The following TACR1 variants were observed in gnomAD, a reference collection of about 807,000 sequenced individuals.
TACR1 encodes the protein tachykinin receptor 1, also known as substance-P receptor.
A neutral mutation model predicts 35.8 loss-of-function variants in TACR1; 25 were observed. The ratio of observed to expected loss-of-function variants is 0.70; its 90% confidence interval spans 0.51 to 0.98. The LOEUF (loss-of-function observed/expected upper bound fraction) is 0.98, where lower values mean the gene tolerates loss of function less well. Among genes scored for constraint, TACR1 ranks in the 50% least tolerant of loss-of-function variants. The pLI is 0.00. For missense variants in TACR1, 478 were observed against 522.9 expected, an observed-to-expected ratio of 0.91 and a Z score of 0.84; for synonymous variants, 195 against 206.7, an observed-to-expected ratio of 0.94 and a Z score of 0.48.
chr2:75,160,247 G>GAAA (rs59644017), intron 1 of TACR1, among the ~76,000 whole-genome samples: 46 of 149,966 alleles, frequency 3.1e-4, no homozygotes, highest in Admixed American at 7.3e-4. Flanking sequence ...TGAGTAAATA[G>GAAA]AAAAAAAAAT....
chr2:75,135,156 C>T (rs1473296272), intron 1 of TACR1, among the ~76,000 whole-genome samples: 2 of 152,194 alleles, frequency 1.3e-5, no homozygotes, highest in African/African-American at 4.8e-5. Flanking sequence ...TTATGACTTT[C>T]CTCTTCCCAT....
At chr2:75,086,466 C>G (rs146144488) in intron 2 of TACR1, among the ~76,000 whole-genome samples, 11 of 152,314 alleles carry the variant, frequency 7.2e-5, no homozygotes, top group Non-Finnish European at 1.6e-4. Context: ...ACTTGGCACA[C>G]AGTGGACACT....
At chr2:75,055,759 C>T (rs191477678) in intron 2 of TACR1, among the ~76,000 whole-genome samples, 4 of 152,274 alleles carry the variant, frequency 2.6e-5, no homozygotes, top group African/African-American at 4.8e-5. Context: ...CCCTCAAACT[C>T]GAGTGGGCTT....
At chr2:75,162,043 CAAAAA>C (rs35438025) in intron 1 of TACR1, among the ~76,000 whole-genome samples, 36 of 94,186 alleles carry the variant, frequency 3.8e-4, no homozygotes, top group African/African-American at 1.3e-3. Context: ...TTGACTCTTC[CAAAAA>C]AAAAAAAAAA....
At chr2:75,181,234 CTTAATT>C (rs1368312217) in intron 1 of TACR1, among the ~76,000 whole-genome samples, 1 of 152,126 alleles carries the variant, frequency 6.6e-6, no homozygotes, top group African/African-American at 2.4e-5. Flanking sequence ...TCCCACTCCT[CTTAATT>C]TTATTAGCCT....
At chr2:75,059,395 C>T (rs1316857790) in intron 2 of TACR1, among the ~76,000 whole-genome samples, 1 of 152,172 alleles carries the variant, frequency 6.6e-6, no homozygotes, top group Non-Finnish European at 1.5e-5. Flanking sequence ...GTTGGAAGCA[C>T]ATAGCTCTTG....
intron 1 of TACR1, among the ~76,000 whole-genome samples, chr2:75,130,612 A>G (rs1049534942): frequency 6.6e-6 from 1 of 152,254 alleles, no homozygotes; most frequent in Non-Finnish European, 1.5e-5. Flanking sequence ...TCAAATGAAA[A>G]GTTTAGTACT....
At chr2:75,058,538 G>T (rs1430857470) in intron 2 of TACR1, among the ~76,000 whole-genome samples, 1 of 152,226 alleles carries the variant, frequency 6.6e-6, no homozygotes, top group Non-Finnish European at 1.5e-5. Context: ...GACAGCAACA[G>T]AAGAGACTGG....
chr2:75,195,869 G>A (rs1218681527), intron 1 of TACR1, among the ~76,000 whole-genome samples: 1 of 152,148 alleles, frequency 6.6e-6, no homozygotes, highest in Non-Finnish European at 1.5e-5. Flanking sequence ...ACAGGAAGGT[G>A]TTATTAAAGT....
chr2:75,129,613 A>G (rs1337143942), intron 1 of TACR1, among the ~76,000 whole-genome samples: 1 of 152,232 alleles, frequency 6.6e-6, no homozygotes, highest in Non-Finnish European at 1.5e-5. Flanking sequence ...ACTATGTACA[A>G]TTATTACGTG....
intron 1 of TACR1, among the ~76,000 whole-genome samples, chr2:75,121,679 ATC>A (rs1483448951): frequency 2.0e-5 from 3 of 152,216 alleles, no homozygotes; most frequent in Non-Finnish European, 2.9e-5. Context: ...TTTAAAAGAC[ATC>A]TCTCTCTGCA....
At chr2:75,143,119 C>T (rs1257705380) in intron 1 of TACR1, among the ~76,000 whole-genome samples, 1 of 152,124 alleles carries the variant, frequency 6.6e-6, no homozygotes, top group Non-Finnish European at 1.5e-5. Flanking sequence ...AGCAGAGGCC[C>T]TGTGGTGTGA....
At chr2:75,051,153 C>G in intron 4 of TACR1, 98 bp downstream of exon 4, 1 of 1,501,996 alleles carries the variant, frequency 6.7e-7, no homozygotes, top group Non-Finnish European at 9.2e-7. Context: ...TCCCTCTTGT[C>G]TCACAGCTGG....
chr2:75,122,109 G>T (rs6742235), intron 1 of TACR1, among the ~76,000 whole-genome samples: 1 of 152,200 alleles, frequency 6.6e-6, no homozygotes, highest in South Asian at 2.1e-4. Flanking sequence ...GGGAGAAAAG[G>T]TGCATCAATA....
rs1672398566 is a variant in TACR1 at position 75,048,295 on chromosome 2, AG to A, written c.*1136del. ...GGGCCCCCACCCTAAAATACCCAAA[AG>A]GTTAAAGCAGGGAGCCCACATTTGT... On this transcript the variant is annotated 3_prime_UTR_variant, in exon 5 of 5. Coordinates refer to ENST00000305249, the MANE Select transcript of TACR1 (RefSeq NM_001058.4). 6.6e-6 allele frequency: 1 copy of A among 152,238 alleles called. No individual in the cohort carries two copies. The highest frequency in any genetic ancestry group is 2.4e-5 in the African/African-American group (1 of 41,464). The allele number at this position is 152,238 out of a possible 1,614,324, so 9.4% of individuals were successfully genotyped here. A position where few individuals can be genotyped will look rare whatever the true frequency, so the allele number is the denominator to read the frequency against.
At chr2:75,163,620 A>G (rs1675067137) in intron 1 of TACR1, among the ~76,000 whole-genome samples, 2 of 152,202 alleles carry the variant, frequency 1.3e-5, no homozygotes, top group Admixed American at 1.3e-4. Context: ...TTCTTCCCTA[A>G]TGACTTATTC....
At chr2:75,090,161 T>C (rs759013774) in intron 2 of TACR1, among the ~76,000 whole-genome samples, 2 of 152,242 alleles carry the variant, frequency 1.3e-5, no homozygotes, top group Non-Finnish European at 2.9e-5. Flanking sequence ...CTCCCCTGAA[T>C]GTCCATCCTC....
chr2:75,057,052 T>A (rs955034935), intron 2 of TACR1, among the ~76,000 whole-genome samples: 2 of 152,202 alleles, frequency 1.3e-5, no homozygotes, highest in African/African-American at 2.4e-5. Context: ...AAATGTGGCT[T>A]ATACTTGCAA....
chr2:75,115,645 G>A (rs1456191798), intron 2 of TACR1, among the ~76,000 whole-genome samples: 1 of 152,072 alleles, frequency 6.6e-6, no homozygotes, highest in South Asian at 2.1e-4. Flanking sequence ...GGTGGCTCAC[G>A]CCTGTAATCC....
Sources: gnomAD v4.1 joint callset for allele counts (sites outside exome capture counted in the v4.1 genomes callset) on GRCh38, gnomAD v4.1.1 for gene constraint, MANE v1.5 for transcripts, NCBI Gene and HGNC (gene_info 2026-07-23, HGNC 2026-07-21) for gene names.